SLCO6A1: variants seen among roughly 807,000 people sequenced by gnomAD.
The protein encoded by SLCO6A1 is solute carrier organic anion transporter family member 6A1.
Under a neutral mutation model 72.7 loss-of-function variants are expected in SLCO6A1, and 65 were observed. The observed-to-expected ratio is 0.89, with a 90% CI of 0.73 to 1.10. SLCO6A1 has a LOEUF of 1.10. Ranked by LOEUF, SLCO6A1 falls within the 50% of genes least tolerant of loss-of-function variation. The pLI is 0.00. For missense variants in SLCO6A1, 874 were observed against 872.6 expected, an observed-to-expected ratio of 1.00 and a Z score of -0.02; for synonymous variants, 314 against 298.2, an observed-to-expected ratio of 1.05 and a Z score of -0.55.
chr5:102,476,379 G>A (rs1291508561), intron 3 of SLCO6A1, among the ~76,000 whole-genome samples: 2 of 152,148 alleles, frequency 1.3e-5, no homozygotes, highest in Admixed American at 1.3e-4. Flanking sequence ...AAGAGTTGAT[G>A]TTACAATCTT....
chr5:102,450,548 T>C (rs1281040284), intron 6 of SLCO6A1, among the ~76,000 whole-genome samples: 1 of 152,194 alleles, frequency 6.6e-6, no homozygotes, highest in Non-Finnish European at 1.5e-5. Context: ...GAGTGTGGGC[T>C]CCTTTCCCAC....
chr5:102,497,495 C>G (rs1026550308), intron 1 of SLCO6A1, among the ~76,000 whole-genome samples: 5 of 152,170 alleles, frequency 3.3e-5, no homozygotes, highest in South Asian at 2.1e-4. Flanking sequence ...GAAGCCAGGC[C>G]CTCATCACCC....
chr5:102,411,487 A>G (rs1747978100), intron 9 of SLCO6A1, among the ~76,000 whole-genome samples: 2 of 151,262 alleles, frequency 1.3e-5, no homozygotes, highest in South Asian at 4.2e-4. Flanking sequence ...CTGGTCCCCA[A>G]CTCCTGGGCT....
intron 7 of SLCO6A1, among the ~76,000 whole-genome samples, chr5:102,436,520 G>A (rs1028791375): frequency 7.9e-5 from 12 of 152,186 alleles, no homozygotes; most frequent in Non-Finnish European, 1.5e-4. Context: ...GTAGATGTCT[G>A]TCTTGGGCAT....
intron 8 of SLCO6A1, among the ~76,000 whole-genome samples, chr5:102,416,641 T>C (rs1748302908): frequency 6.6e-6 from 1 of 152,090 alleles, no homozygotes; most frequent in Non-Finnish European, 1.5e-5. Context: ...GTATATTATT[T>C]GGGTGATAGA....
At chr5:102,438,569 A>G (rs746138875) in intron 7 of SLCO6A1, 48 bp downstream of exon 7, 2 of 1,496,100 alleles carry the variant, frequency 1.3e-6, no homozygotes, top group African/African-American at 2.8e-5. Flanking sequence ...AGTACATACA[A>G]TAAGACAGTG....
Position 102,417,982 on chromosome 5 carries a change from C to T in SLCO6A1, c.1472+1844G>A, listed in dbSNP as rs149716167. ...TGCACTCCAGCTTGGGTGACAAGAGCGAAACTCCGTCAAAAAAAAAAAATT... is the reference window on the plus strand; with the variant it reads ...TGCACTCCAGCTTGGGTGACAAGAGTGAAACTCCGTCAAAAAAAAAAAATT... On this transcript the variant is annotated intron_variant, in intron 8 of 13. Transcript: ENST00000506729. Among the ~76,000 whole-genome samples the T allele has an allele frequency of 1.4e-3, 183 of 131,888 alleles. 1 individual carries two copies. The highest frequency in any genetic ancestry group is 5.1e-3 in the African/African-American group (176 of 34,546). 86.5% of individuals were successfully genotyped at this position (131,888 alleles called of 152,430 possible).
intron 9 of SLCO6A1, among the ~76,000 whole-genome samples, chr5:102,410,700 G>A (rs371371318): frequency 6.6e-6 from 1 of 152,198 alleles, no homozygotes; most frequent in African/African-American, 2.4e-5. Flanking sequence ...GGATTCTGAT[G>A]GTAATGGCCC....
At chr5:102,387,126 AT>A (rs1344398686) in intron 12 of SLCO6A1, among the ~76,000 whole-genome samples, 2 of 152,062 alleles carry the variant, frequency 1.3e-5, no homozygotes, top group Non-Finnish European at 2.9e-5. Flanking sequence ...CTATTCCTCT[AT>A]TTTGCTGATG....
chr5:102,411,837 A>G (rs1045545569), intron 9 of SLCO6A1, among the ~76,000 whole-genome samples: 1 of 152,150 alleles, frequency 6.6e-6, no homozygotes, highest in Non-Finnish European at 1.5e-5. Context: ...GTGGGGGGGA[A>G]ATGTGCATCT....
chr5:102,427,862 A>ATTTTTT (rs1313432549), intron 7 of SLCO6A1, among the ~76,000 whole-genome samples: 1 of 103,412 alleles, frequency 9.7e-6, no homozygotes, highest in Non-Finnish European at 1.7e-5. Context: ...ATATATATAT[A>ATTTTTT]TATTTTTTTT....
chr5:102,435,736 G>A (rs942127883), intron 7 of SLCO6A1, among the ~76,000 whole-genome samples: 14 of 152,054 alleles, frequency 9.2e-5, no homozygotes, highest in Admixed American at 3.9e-4. Context: ...TTAGCTGGGC[G>A]TGGTGGTGCA....
chr5:102,458,580 A>C, intron 5 of SLCO6A1, 89 bp from the exon 6 acceptor site: 1 of 791,490 alleles, frequency 1.3e-6, no homozygotes, highest in Non-Finnish European at 2.0e-6. Flanking sequence ...AATAAATTCA[A>C]TTAATCCTGA....
intron 7 of SLCO6A1, 101 bp downstream of exon 7, chr5:102,438,516 G>T (rs953204548): frequency 1.2e-4 from 103 of 886,546 alleles, no homozygotes; most frequent in Non-Finnish European, 1.6e-4. Flanking sequence ...TCATATCTAG[G>T]TATATAATTC....
rs146796415 is a variant in SLCO6A1, at chr5:102,479,804, C to G, written c.616+373G>C. On this transcript the variant is annotated intron_variant, in intron 2 of 13. Coordinates refer to ENST00000506729, the MANE Select transcript of SLCO6A1 (RefSeq NM_173488.5). ...ACTTTGAGTTCATGATTAATAAACT[C>G]AAGGAGGTCCTTCAAGCTCCTGATA... Among the ~76,000 whole-genome samples the G allele has an allele frequency of 2.8e-3, 422 of 152,218 alleles. 3 individuals carry two copies. The highest frequency in any genetic ancestry group is 5.2e-3 in the Admixed American group (79 of 15,284).
chr5:102,454,806 T>G (rs913082944), intron 6 of SLCO6A1, among the ~76,000 whole-genome samples: 1 of 151,670 alleles, frequency 6.6e-6, no homozygotes. Flanking sequence ...GGCTTCTGTA[T>G]AGTTAAAATA....
chr5:102,420,639 T>A (rs1368450950), intron 7 of SLCO6A1, among the ~76,000 whole-genome samples: 1 of 151,780 alleles, frequency 6.6e-6, no homozygotes, highest in African/African-American at 2.4e-5. Context: ...TCAGATGAGA[T>A]AGCACAGTAA....
intron 4 of SLCO6A1, among the ~76,000 whole-genome samples, chr5:102,460,395 T>C (rs1247292449): frequency 1.3e-5 from 2 of 152,168 alleles, no homozygotes; most frequent in Non-Finnish European, 2.9e-5. Context: ...CCATAAAGCC[T>C]TGCAGTGGGG....
At chr5:102,437,051 C>G (rs1254348159) in intron 7 of SLCO6A1, among the ~76,000 whole-genome samples, 2 of 152,274 alleles carry the variant, frequency 1.3e-5, no homozygotes, top group Non-Finnish European at 1.5e-5. Context: ...CTCAAGGGAG[C>G]TTCCTGGCAA....
Sources: allele counts gnomAD v4.1 joint callset (sites outside exome capture counted in the v4.1 genomes callset), GRCh38; gene constraint gnomAD v4.1.1; transcripts MANE v1.5; gene names NCBI Gene and HGNC (gene_info 2026-07-23, HGNC 2026-07-21).